Variants in RAP1GAP2 observed in about 807,000 individuals in gnomAD.
RAP1GAP2 encodes rap1 GTPase-activating protein 2.
Under a neutral mutation model 95.0 loss-of-function variants are expected in RAP1GAP2, and 27 were observed. The observed-to-expected ratio is 0.28, with a 90% CI of 0.21 to 0.39. The LOEUF (loss-of-function observed/expected upper bound fraction) is 0.39. RAP1GAP2 is among the 10% of genes least tolerant of loss of function. RAP1GAP2 has a pLI of 1.00. For missense variants in RAP1GAP2, 771 were observed against 970.0 expected (o/e 0.79, Z 2.72); for synonymous variants, 373 against 380.9 (o/e 0.98, Z 0.24).
At chr17:2,939,775 C>G (rs1407537388) in intron 3 of RAP1GAP2, among the ~76,000 whole-genome samples, 1 of 152,232 alleles carries the variant, frequency 6.6e-6, no homozygotes, top group African/African-American at 2.4e-5. Flanking sequence ...TGGGGCCTCT[C>G]CCTTGGAAGG....
chr17:2,899,228 G>C (rs1046874683), intron 2 of RAP1GAP2, among the ~76,000 whole-genome samples: 1 of 151,934 alleles, frequency 6.6e-6, no homozygotes, highest in Non-Finnish European at 1.5e-5. Flanking sequence ...ATTTTGAGAC[G>C]GAGTCTCACT....
intron 2 of RAP1GAP2, among the ~76,000 whole-genome samples, chr17:2,894,739 C>T (rs2073831001): frequency 6.6e-6 from 1 of 152,198 alleles, no homozygotes; most frequent in Admixed American, 6.5e-5. Flanking sequence ...TCGGCCCCCC[C>T]TTTACTTTCT....
rs1043521328 is a variant in RAP1GAP2 at position 3,014,947 on chromosome 17, G to T, written c.1495-3114G>T. 2.0e-5 allele frequency among the ~76,000 whole-genome samples: 3 copies of T among 152,156 alleles called. No homozygotes were observed. In the East Asian group the frequency reaches 5.8e-4, roughly 29 times the overall value. ...CTCACTTTGGGAGGCCAAAGCAGGA[G>T]GCTTACTGGAGCCCAGGAGTTTGAG... On this transcript the variant is annotated intron_variant, in intron 17 of 24. Transcript: ENST00000254695.
At chr17:2,893,424 T>C (rs2073783773) in intron 2 of RAP1GAP2, among the ~76,000 whole-genome samples, 1 of 152,218 alleles carries the variant, frequency 6.6e-6, no homozygotes, top group Admixed American at 6.5e-5. Flanking sequence ...CCTGGAAGTC[T>C]CAACAGGCTT....
chr17:2,806,185 T>G (rs1027468744), intron 2 of RAP1GAP2, among the ~76,000 whole-genome samples: 20 of 152,144 alleles, frequency 1.3e-4, no homozygotes, highest in African/African-American at 4.6e-4. Flanking sequence ...TATTCTAAGT[T>G]TCAGATTTAA....
At chr17:2,950,136 C>T (rs990089000) in intron 3 of RAP1GAP2, among the ~76,000 whole-genome samples, 2 of 151,558 alleles carry the variant, frequency 1.3e-5, no homozygotes, top group African/African-American at 4.9e-5. Context: ...TCACTGCAAC[C>T]TCCACCTCCC....
At chr17:2,758,522 C>T (rs2151753617) in intron 1 of RAP1GAP2, among the ~76,000 whole-genome samples, 1 of 152,184 alleles carries the variant, frequency 6.6e-6, no homozygotes, top group East Asian at 1.9e-4. Context: ...ACCCCTCACC[C>T]CAGATAAAAG....
chr17:2,958,397 C>T (rs1017779599), intron 4 of RAP1GAP2, among the ~76,000 whole-genome samples: 3 of 152,048 alleles, frequency 2.0e-5, no homozygotes, highest in Admixed American at 6.6e-5. Context: ...AGGGTCAGGG[C>T]TCCCAGGTAA....
intron 3 of RAP1GAP2, among the ~76,000 whole-genome samples, chr17:2,907,391 G>T (rs1398173704): frequency 6.6e-6 from 1 of 152,170 alleles, no homozygotes; most frequent in Middle Eastern, 3.2e-3. Flanking sequence ...CTCGGTTCTG[G>T]GGACCTTGTA....
At position 2,954,948 on chromosome 17, in the gene RAP1GAP2, C is replaced by T. The variant is rs533804445; in HGVS notation, c.166-2811C>T. Among the ~76,000 whole-genome samples, 7 of 152,246 alleles carry T rather than the reference C, an allele frequency of 4.6e-5. No individual in the cohort carries two copies. In the East Asian group the frequency reaches 1.3e-3, roughly 29 times the overall value. On this transcript the variant is annotated intron_variant, in intron 3 of 24. Transcript: ENST00000254695. Reference sequence around the variant, plus strand: ...CACTCAAGGGTCAGCAGTGTTGTGGCAGGTATCAGTATATGTTATTTTTAT... The same window carrying T: ...CACTCAAGGGTCAGCAGTGTTGTGGTAGGTATCAGTATATGTTATTTTTAT...
intron 10 of RAP1GAP2, 52 bp downstream of exon 10, chr17:2,981,300 T>C: frequency 4.0e-6 from 6 of 1,511,266 alleles, no homozygotes; most frequent in Non-Finnish European, 5.5e-6. Flanking sequence ...GGCAAGGATT[T>C]GCAGACCTGT....
chr17:2,869,210 A>T (rs2072742461), intron 2 of RAP1GAP2, among the ~76,000 whole-genome samples: 1 of 152,118 alleles, frequency 6.6e-6, no homozygotes, highest in Non-Finnish European at 1.5e-5. Flanking sequence ...TAGTCTATCT[A>T]CTCTTATAGT....
At chr17:2,969,462 A>G (rs1010061477) in intron 8 of RAP1GAP2, among the ~76,000 whole-genome samples, 1 of 150,682 alleles carries the variant, frequency 6.6e-6, no homozygotes, top group African/African-American at 2.4e-5. Context: ...AAATAAATAA[A>G]TAAGATATGT....
rs917829803 is a variant in RAP1GAP2, at chr17:3,029,527, G to A, written c.2108-1395G>A. On this transcript the variant is annotated intron_variant, in intron 22 of 24. Transcript: ENST00000254695. The surrounding 1 kb of genome is among the most constrained non-coding windows in gnomAD (Gnocchi z 4.4). Reference sequence around the variant, plus strand: ...GTGGAGTGGGGAGAGGTGGCCTGACGTCCTGACGTACAGTCTCCATAATGT... The same window carrying A: ...GTGGAGTGGGGAGAGGTGGCCTGACATCCTGACGTACAGTCTCCATAATGT... 1.3e-5 allele frequency among the ~76,000 whole-genome samples: 2 copies of A among 152,122 alleles called. No homozygotes were observed. The highest frequency in any genetic ancestry group is 2.9e-5 in the Non-Finnish European group (2 of 68,016).
chr17:2,759,183 A>C (rs1037151788), intron 1 of RAP1GAP2, among the ~76,000 whole-genome samples: 3 of 152,072 alleles, frequency 2.0e-5, no homozygotes, highest in African/African-American at 7.2e-5. Context: ...ACAATCTTTC[A>C]AGTATTTTGA....
Position 2,857,345 on chromosome 17 carries a change from G to C in RAP1GAP2, c.81-47939G>C, listed in dbSNP as rs578205812. Among the ~76,000 whole-genome samples the C allele has an allele frequency of 6.6e-6, 1 of 152,198 alleles. No homozygotes were observed. The highest frequency in any genetic ancestry group is 1.5e-5 in the Non-Finnish European group (1 of 68,036). The stretch of plus-strand genomic sequence containing the variant: ...GAAATATTGCGTATTAGGGGACAGG[G>C]AGGTGTGCCAGCCAGGGTAGTCATG... On this transcript the variant is annotated intron_variant, in intron 2 of 24. Coordinates refer to ENST00000254695, the MANE Select transcript of RAP1GAP2 (RefSeq NM_015085.5). The surrounding 1 kb of genome is among the most constrained non-coding windows in gnomAD (Gnocchi z 4.0).
Position 3,017,667 on chromosome 17 carries a change from G to A in RAP1GAP2, c.1495-394G>A, listed in dbSNP as rs75891516. Among the ~76,000 whole-genome samples the A allele has an allele frequency of 4.3e-3, 660 of 152,360 alleles. 7 individuals carry two copies. Among genetic ancestry groups the A allele is most frequent in the African/African-American group, 0.015 (615 of 41,584 alleles). ...ATAGAATTCCCATTTTACAGATGAG[G>A]AAGCTGTAGCTTAGAGAGGTTAGTA... On this transcript the variant is annotated intron_variant, in intron 17 of 24. Coordinates refer to ENST00000254695, the MANE Select transcript of RAP1GAP2 (RefSeq NM_015085.5).
chr17:3,026,226 C>G, intron 20 of RAP1GAP2, 105 bp downstream of exon 20: 8 of 1,292,958 alleles, frequency 6.2e-6, no homozygotes, highest in Non-Finnish European at 8.8e-6. Context: ...GCCTCTGGAA[C>G]TCTCCAGAAC....
chr17:2,943,142 A>G (rs1020627458), intron 3 of RAP1GAP2, among the ~76,000 whole-genome samples: 2 of 151,994 alleles, frequency 1.3e-5, no homozygotes, highest in African/African-American at 4.8e-5. Context: ...CCTCCCCCCA[A>G]GCCCCTGACA....
Sources: allele counts gnomAD v4.1 joint callset (sites outside exome capture counted in the v4.1 genomes callset), GRCh38; gene constraint gnomAD v4.1.1; non-coding constraint Gnocchi (gnomAD v3.1); transcripts MANE v1.5; gene names NCBI Gene and HGNC (gene_info 2026-07-23, HGNC 2026-07-21).